The following RIMS2 variants were observed in gnomAD, a reference collection of about 807,000 sequenced individuals.
RIMS2 encodes the protein regulating synaptic membrane exocytosis 2.
RIMS2 carries 59 observed loss-of-function variants against 174.4 expected under a neutral mutation model. The ratio of observed to expected loss-of-function variants is 0.34; its 90% CI spans 0.27 to 0.42. The LOEUF is 0.42. Among genes scored for constraint, RIMS2 ranks in the 10% least tolerant of loss-of-function variants. The pLI is 1.00. For synonymous variants in RIMS2, 606 were observed against 572.5 expected, an observed-to-expected ratio of 1.06 and a Z score of -0.84; for missense variants, 1,620 against 1,666.3, an observed-to-expected ratio of 0.97 and a Z score of 0.48.
chr8:103,852,918 C>A (rs1360095153), intron 3 of RIMS2, among the ~76,000 whole-genome samples: 1 of 151,970 alleles, frequency 6.6e-6, no homozygotes, highest in South Asian at 2.1e-4. Context: ...TGGTTATATA[C>A]CCAGTAATCA....
At chr8:104,074,009 G>A (rs543121631) in intron 19 of RIMS2, among the ~76,000 whole-genome samples, 2 of 152,156 alleles carry the variant, frequency 1.3e-5, no homozygotes, top group African/African-American at 2.4e-5. Context: ...AAATGCCACT[G>A]TTATCTAAAC....
intron 19 of RIMS2, among the ~76,000 whole-genome samples, chr8:104,113,301 C>A (rs768428143): frequency 6.6e-6 from 1 of 152,052 alleles, no homozygotes; most frequent in East Asian, 1.9e-4. Flanking sequence ...TAACGCTATA[C>A]GATATCACTA....
At chr8:103,810,520 G>A (rs368922076) in intron 3 of RIMS2, among the ~76,000 whole-genome samples, 17 of 152,082 alleles carry the variant, frequency 1.1e-4, no homozygotes, top group African/African-American at 3.9e-4. Flanking sequence ...TGAAAACAAA[G>A]TACTTTAAAC....
chr8:103,977,713 G>A (rs78518233), intron 16 of RIMS2, among the ~76,000 whole-genome samples: 5,784 of 152,298 alleles, frequency 0.038, 192 homozygotes, highest in East Asian at 0.14. Context: ...GTCCCAGATT[G>A]TGACCTATCC....
chr8:103,697,485 G>C (rs1399525602), intron 2 of RIMS2, among the ~76,000 whole-genome samples, 189 bp downstream of exon 4: 1 of 151,190 alleles, frequency 6.6e-6, no homozygotes, highest in Non-Finnish European at 1.5e-5. Flanking sequence ...AAGGCGGGCG[G>C]ATCACTTTAG....
chr8:103,918,592 T>G, intron 9 of RIMS2, 105 bp downstream of exon 12: 12 of 825,500 alleles, frequency 1.5e-5, no homozygotes, highest in South Asian at 2.9e-5. Context: ...ATGATAACCT[T>G]GTTATCAAGT....
chr8:103,576,991 A>G (rs931035911), intron 1 of RIMS2, among the ~76,000 whole-genome samples: 3 of 152,208 alleles, frequency 2.0e-5, no homozygotes, highest in Non-Finnish European at 4.4e-5. Context: ...AACCTAGACA[A>G]TAACATTCAG....
At position 104,102,597 on chromosome 8, in the gene RIMS2, G is replaced by A. The variant is rs527715497; in HGVS notation, c.3334+87982G>A. Among the ~76,000 whole-genome samples the A allele has an allele frequency of 5.5e-3, 836 of 152,214 alleles. 2 individuals are homozygous for A. Among genetic ancestry groups the A allele is most frequent in the Non-Finnish European group, 9.1e-3 (622 of 68,008 alleles). ...TACCTGAGACTGGATAATTTATAAA[G>A]AAAAAGAGGTTTAATTGACTCATAG... On this transcript the variant is annotated intron_variant, in intron 19 of 23. Coordinates refer to ENST00000504942, the Ensembl canonical transcript of RIMS2.
chr8:103,545,984 T>A (rs1426132635), intron 1 of RIMS2, among the ~76,000 whole-genome samples: 2 of 152,128 alleles, frequency 1.3e-5, no homozygotes, highest in Non-Finnish European at 2.9e-5. Flanking sequence ...AAGTCTGCCG[T>A]AATAACCAGC....
At chr8:104,189,370 A>T (rs939432114) in intron 19 of RIMS2, among the ~76,000 whole-genome samples, 1 of 151,890 alleles carries the variant, frequency 6.6e-6, no homozygotes, top group Non-Finnish European at 1.5e-5. Context: ...TCATCAGAAC[A>T]CTAGTCTATC....
At chr8:103,624,454 A>C (rs768939058) in intron 1 of RIMS2, among the ~76,000 whole-genome samples, 16 of 152,178 alleles carry the variant, frequency 1.1e-4, no homozygotes, top group Non-Finnish European at 2.1e-4. Flanking sequence ...CCTAGCTCGC[A>C]AATGGCAGAC....
At chr8:103,699,646 C>CT (rs1401894017) in intron 2 of RIMS2, among the ~76,000 whole-genome samples, 1 of 151,598 alleles carries the variant, frequency 6.6e-6, no homozygotes, top group Non-Finnish European at 1.5e-5. Context: ...TTAATTTTAT[C>CT]TTTTTTACTT....
intron 16 of RIMS2, among the ~76,000 whole-genome samples, chr8:103,987,355 G>A (rs377562004): frequency 6.6e-6 from 1 of 151,788 alleles, no homozygotes; most frequent in Admixed American, 6.6e-5. Context: ...AAATCATGTC[G>A]GTGAGACACC....
At chr8:104,051,564 G>A (rs573656700) in intron 19 of RIMS2, among the ~76,000 whole-genome samples, 1 of 152,052 alleles carries the variant, frequency 6.6e-6, no homozygotes, top group Non-Finnish European at 1.5e-5. Context: ...CAAAAAAAAT[G>A]GACAGAGGAG....
chr8:104,241,352 A>G (rs1248365898), intron 19 of RIMS2, among the ~76,000 whole-genome samples: 1 of 152,192 alleles, frequency 6.6e-6, no homozygotes, highest in African/African-American at 2.4e-5. Context: ...TGGGATTTTT[A>G]GCATTGTTAT....
chr8:103,524,047 TA>T (rs1284673825), intron 1 of RIMS2, among the ~76,000 whole-genome samples: 1 of 152,168 alleles, frequency 6.6e-6, no homozygotes, highest in Non-Finnish European at 1.5e-5. Flanking sequence ...GTAATTGTAA[TA>T]AAAATTGGAT....
chr8:104,188,220 C>CAGATAGATAGATAGATAGAT (rs71576001), intron 19 of RIMS2, among the ~76,000 whole-genome samples: 3 of 87,060 alleles, frequency 3.4e-5, no homozygotes, highest in Non-Finnish European at 7.3e-5. Context: ...ATGGTTTGTT[C>CAGATAGATAGATAGATAGAT]AGATAGATAG....
At chr8:103,851,826 G>T (rs2935297) in intron 3 of RIMS2, among the ~76,000 whole-genome samples, 19,874 of 151,772 alleles carry the variant, frequency 0.13, 1,765 homozygotes, top group Non-Finnish European at 0.2. Flanking sequence ...CATTATTTTT[G>T]ATTGCATTGC....
rs533036510 is a variant in RIMS2 at position 103,788,957 on chromosome 8, G to A, written c.698+22420G>A. On this transcript the variant is annotated intron_variant, in intron 3 of 23. Coordinates refer to ENST00000504942, the Ensembl canonical transcript of RIMS2. ...GCGTTGGACCCTCTGAGCCAGGTGC[G>A]GGATATAATCTCGTGGTGCGCCGTT... Among the ~76,000 whole-genome samples, 30 of 152,330 alleles carry A rather than the reference G, an allele frequency of 2.0e-4. No homozygotes were observed. The South Asian group carries it at 2.1e-3, about 11-fold the overall frequency.
Sources: gnomAD v4.1 joint callset for allele counts (sites outside exome capture counted in the v4.1 genomes callset) on GRCh38, gnomAD v4.1.1 for gene constraint, MANE v1.5 for transcripts, NCBI Gene and HGNC (gene_info 2026-07-23, HGNC 2026-07-21) for gene names.